ADAMTSL1: variants seen among roughly 807,000 people sequenced by gnomAD.
The protein encoded by ADAMTSL1 is ADAMTS-like protein 1.
ADAMTSL1 carries 126 observed loss-of-function variants against 201.8 expected under a neutral mutation model. The observed-to-expected ratio is 0.62, with a 90% CI of 0.54 to 0.72. The LOEUF is 0.72. Ranked by LOEUF, ADAMTSL1 falls within the 30% of genes least tolerant of loss-of-function variation. The probability of loss-of-function intolerance (pLI) is 0.00; values close to 1 mark genes in which losing one functional copy is unlikely to be tolerated. For synonymous variants in ADAMTSL1, 1,121 were observed against 903.4 expected, an observed-to-expected ratio of 1.24 and a Z score of -4.32; for missense variants, 2,679 against 2,277.8, an observed-to-expected ratio of 1.18 and a Z score of -3.59.
chr9:17,950,663 A>C (rs1010614603), intron 1 of ADAMTSL1, among the ~76,000 whole-genome samples: 2 of 152,094 alleles, frequency 1.3e-5, no homozygotes, highest in Admixed American at 1.3e-4. Context: ...TAATATTTCC[A>C]TCATATGAAT....
At chr9:18,245,343 T>G (rs1048595191) in intron 2 of ADAMTSL1, among the ~76,000 whole-genome samples, 3 of 152,194 alleles carry the variant, frequency 2.0e-5, no homozygotes, top group African/African-American at 7.2e-5. Context: ...TAGCTTATAT[T>G]CCTATTGTGA....
chr9:18,866,424 G>A (rs560665390), intron 23 of ADAMTSL1, among the ~76,000 whole-genome samples: 14 of 152,280 alleles, frequency 9.2e-5, no homozygotes, highest in South Asian at 2.1e-4. Context: ...AATAAGCTAC[G>A]TATTTAGTTG....
At chr9:18,758,175 G>A (rs1385367001) in intron 16 of ADAMTSL1, among the ~76,000 whole-genome samples, 1 of 152,142 alleles carries the variant, frequency 6.6e-6, no homozygotes, top group Non-Finnish European at 1.5e-5. Flanking sequence ...AATGTGAAAG[G>A]GGCCCTGTGT....
chr9:17,946,254 C>G (rs1224986625), intron 1 of ADAMTSL1, among the ~76,000 whole-genome samples: 1 of 151,894 alleles, frequency 6.6e-6, no homozygotes, highest in Admixed American at 6.6e-5. Context: ...CCACCTTAGT[C>G]TCCCAAAGTA....
chr9:18,226,284 C>G (rs1830432121), intron 2 of ADAMTSL1, among the ~76,000 whole-genome samples: 1 of 152,126 alleles, frequency 6.6e-6, no homozygotes, highest in Non-Finnish European at 1.5e-5. Flanking sequence ...AGCAGACCGT[C>G]TCTCTCAGAT....
chr9:18,188,262 C>G (rs935309143), intron 2 of ADAMTSL1, among the ~76,000 whole-genome samples: 2 of 152,152 alleles, frequency 1.3e-5, no homozygotes, highest in Non-Finnish European at 2.9e-5. Context: ...GAACATCCTT[C>G]AGAGTCCCAC....
chr9:18,741,486 A>G (rs1057501138), intron 15 of ADAMTSL1, among the ~76,000 whole-genome samples: 53 of 152,354 alleles, frequency 3.5e-4, no homozygotes, highest in African/African-American at 1.2e-3. Context: ...ACTCATGAAT[A>G]TAAATGTCCA....
chr9:18,297,685 G>C (rs773413725), intron 2 of ADAMTSL1, among the ~76,000 whole-genome samples: 30 of 150,960 alleles, frequency 2.0e-4, no homozygotes, highest in Non-Finnish European at 4.1e-4. Context: ...AATACCTTTT[G>C]TAGCCCCCTA....
intron 23 of ADAMTSL1, among the ~76,000 whole-genome samples, chr9:18,864,439 C>T (rs773503905): frequency 1.3e-5 from 2 of 152,190 alleles, no homozygotes; most frequent in Non-Finnish European, 1.5e-5. Flanking sequence ...AGGAAGCCCA[C>T]AAATTAAGCC....
At chr9:18,311,244 A>G (rs1834143599) in intron 2 of ADAMTSL1, among the ~76,000 whole-genome samples, 1 of 151,986 alleles carries the variant, frequency 6.6e-6, no homozygotes, top group Non-Finnish European at 1.5e-5. Flanking sequence ...TAGGAGAAAT[A>G]CCTAATATAG....
chr9:18,262,262 G>A (rs945173904), intron 2 of ADAMTSL1, among the ~76,000 whole-genome samples: 20 of 152,204 alleles, frequency 1.3e-4, no homozygotes, highest in South Asian at 6.2e-4. Flanking sequence ...AGGGGGTGGT[G>A]GAGACTGTGG....
At position 18,509,053 on chromosome 9, in the gene ADAMTSL1, G is replaced by A. The variant is rs574392006; in HGVS notation, c.191+4097G>A. Among the ~76,000 whole-genome samples, 15 of 130,552 alleles carry A rather than the reference G, an allele frequency of 1.1e-4. 2 individuals carry two copies. The highest frequency in any genetic ancestry group is 7.9e-4 in the East Asian group (4 of 5,074). The allele number at this position is 130,552 out of a possible 152,430, so 85.6% of individuals were successfully genotyped here. ...CAAAAAATTAGCCGGGCGCGGTGGC[G>A]GGCGCCTGTAGTCCCAGCTACTCGG... On this transcript the variant is annotated intron_variant, in intron 2 of 28. Coordinates refer to ENST00000380548, the MANE Select transcript of ADAMTSL1 (RefSeq NM_001040272.6).
intron 7 of ADAMTSL1, among the ~76,000 whole-genome samples, chr9:18,647,859 T>C (rs1004451090): frequency 6.6e-6 from 1 of 151,482 alleles, no homozygotes; most frequent in African/African-American, 2.4e-5. Context: ...AAAATGTACA[T>C]TCTGTTGATT....
At chr9:18,394,628 C>A (rs989344352) in intron 2 of ADAMTSL1, among the ~76,000 whole-genome samples, 19 of 152,082 alleles carry the variant, frequency 1.2e-4, no homozygotes, top group Admixed American at 3.3e-4. Flanking sequence ...AAAATAATAA[C>A]CTTGAGTGTA....
chr9:18,855,518 A>G (rs1826785258), intron 23 of ADAMTSL1, among the ~76,000 whole-genome samples: 1 of 152,208 alleles, frequency 6.6e-6, no homozygotes, highest in African/African-American at 2.4e-5. Context: ...AAATGATGAT[A>G]ACAATAATTG....
At chr9:18,276,270 G>A (rs930941647) in intron 2 of ADAMTSL1, among the ~76,000 whole-genome samples, 1 of 151,834 alleles carries the variant, frequency 6.6e-6, no homozygotes, top group Non-Finnish European at 1.5e-5. Flanking sequence ...TATATGTTTA[G>A]CAAATGTTTT....
chr9:18,550,503 C>G (rs773918759), intron 3 of ADAMTSL1, among the ~76,000 whole-genome samples: 2 of 151,900 alleles, frequency 1.3e-5, no homozygotes, highest in African/African-American at 4.8e-5. Context: ...AATGGTCACC[C>G]CCAACTGATG....
At chr9:17,922,954 C>A (rs1389692542) in intron 1 of ADAMTSL1, among the ~76,000 whole-genome samples, 3 of 152,156 alleles carry the variant, frequency 2.0e-5, no homozygotes, top group Non-Finnish European at 2.9e-5. Flanking sequence ...CCTCGTGTAA[C>A]CTGCTGGAAC....
At chr9:18,387,006 G>A (rs1225591379) in intron 2 of ADAMTSL1, among the ~76,000 whole-genome samples, 2 of 152,086 alleles carry the variant, frequency 1.3e-5, no homozygotes, top group Non-Finnish European at 2.9e-5. Flanking sequence ...TATAAATGAT[G>A]TGGTAGAAGT....
Sources: allele counts gnomAD v4.1 joint callset (sites outside exome capture counted in the v4.1 genomes callset), GRCh38; gene constraint gnomAD v4.1.1; transcripts MANE v1.5; gene names NCBI Gene and HGNC (gene_info 2026-07-23, HGNC 2026-07-21).